The following NOX3 variants were observed in gnomAD, a reference collection of about 807,000 sequenced individuals.
NOX3 encodes NADPH oxidase 3, also known as NADPH oxidase catalytic subunit-like 3.
In NOX3, 74 loss-of-function variants were observed where a neutral mutation model predicts 76.7. The observed-to-expected ratio is 0.96, with a 90% CI of 0.80 to 1.17. The LOEUF is 1.17. Among genes scored for constraint, NOX3 ranks in the 50% most tolerant of loss-of-function variants. The pLI, the probability that NOX3 is intolerant of heterozygous loss-of-function variation, is 0.00. For missense variants in NOX3, 695 were observed against 703.3 expected (o/e 0.99, Z 0.13); for synonymous variants, 263 against 261.1 (o/e 1.01, Z -0.07).
intron 7 of NOX3, among the ~76,000 whole-genome samples, chr6:155,433,209 C>T (rs988753416): frequency 6.6e-6 from 1 of 152,306 alleles, no homozygotes; most frequent in Non-Finnish European, 1.5e-5. Context: ...ATCCCCGACT[C>T]CATCTCAATC....
chr6:155,438,492 GA>G, intron 6 of NOX3, among the ~76,000 whole-genome samples: 1 of 152,334 alleles, frequency 6.6e-6, no homozygotes, highest in Non-Finnish European at 1.5e-5. Context: ...CTTCCGTGGA[GA>G]ATGTGTTTCT....
chr6:155,436,253 A>C (rs1400412493), intron 7 of NOX3, among the ~76,000 whole-genome samples, 165 bp downstream of exon 7: 1 of 152,198 alleles, frequency 6.6e-6, no homozygotes, highest in Non-Finnish European at 1.5e-5. Flanking sequence ...TTGGCAGTAA[A>C]CCTCTTTAAA....
chr6:155,445,946 A>ATATATATATGCTATATATATAT (rs1491098024), intron 4 of NOX3, among the ~76,000 whole-genome samples: 1 of 138,354 alleles, frequency 7.2e-6, no homozygotes, highest in African/African-American at 2.8e-5. Flanking sequence ...TAGATATATA[A>ATATATATATGCTATATATATAT]TATATATATG....
chr6:155,453,622 G>T, intron 3 of NOX3, 134 bp from the exon 4 acceptor site: 1 of 692,624 alleles, frequency 1.4e-6, no homozygotes. Context: ...AAAAGTTAAT[G>T]GCCATTAGTC....
intron 12 of NOX3, among the ~76,000 whole-genome samples, chr6:155,401,111 A>G (rs1779220386): frequency 6.6e-6 from 1 of 152,180 alleles, no homozygotes; most frequent in Non-Finnish European, 1.5e-5. Context: ...CAAACTAATA[A>G]TTTGATAGAT....
chr6:155,436,577 A>G (rs1776907365), intron 6 of NOX3, 30 bp from the exon 7 acceptor site: 1 of 1,611,904 alleles, frequency 6.2e-7, no homozygotes, highest in Non-Finnish European at 8.5e-7. Flanking sequence ...AAAACAAAAC[A>G]AAAAGCAAAA....
In NOX3 at chr6:155,438,639, T is replaced by C. The variant is rs555770007; in HGVS notation, c.668+1317A>G. ...TGAGGAGGGAGATTGGAGGCGTTGT[T>C]GACTTGTGGAAGGGCAAATCCCAAA... On this transcript the variant is annotated intron_variant, in intron 6 of 13. Coordinates refer to ENST00000159060, the MANE Select transcript of NOX3 (RefSeq NM_015718.3). Among the ~76,000 whole-genome samples the C allele has an allele frequency of 5.9e-5, 9 of 152,290 alleles. No individual in the cohort carries two copies. In the South Asian group the frequency reaches 1.9e-3, roughly 32 times the overall value.
chr6:155,395,644 T>C (rs1034570827), intron 13 of NOX3, 70 bp from the exon 14 acceptor site: 2 of 152,174 alleles, frequency 1.3e-5, no homozygotes, highest in African/African-American at 4.8e-5. Flanking sequence ...AGTAGTAGTG[T>C]CTGGGGCTAA....
chr6:155,399,168 G>C lies in NOX3; in HGVS notation c.1581-2206C>G, dbSNP rs1048772513. Reference sequence around the variant, plus strand: ...GTGTCTGATGCCCAGAGGTGTCCTTGCATCTATTTTCAAAGATGCTGTTAT... The same window carrying C: ...GTGTCTGATGCCCAGAGGTGTCCTTCCATCTATTTTCAAAGATGCTGTTAT... On this transcript the variant is annotated intron_variant, in intron 12 of 13. Transcript: ENST00000159060. 2.0e-5 allele frequency among the ~76,000 whole-genome samples: 3 copies of C among 152,172 alleles called. No individual in the cohort carries two copies. The South Asian group carries it at 6.2e-4, about 32-fold the overall frequency.
intron 4 of NOX3, among the ~76,000 whole-genome samples, chr6:155,447,646 T>C (rs1017044550): frequency 6.6e-6 from 1 of 152,222 alleles, no homozygotes; most frequent in East Asian, 1.9e-4. Flanking sequence ...ACATGTTCCC[T>C]TGCTCTCGCT....
At chr6:155,445,884 ATG>A (rs1777053528) in intron 4 of NOX3, among the ~76,000 whole-genome samples, 1 of 105,958 alleles carries the variant, frequency 9.4e-6, no homozygotes, top group South Asian at 4.1e-4. Context: ...ATATATATAT[ATG>A]CTATATATAT....
chr6:155,434,450 G>A (rs1017662181), intron 7 of NOX3, among the ~76,000 whole-genome samples: 1 of 152,192 alleles, frequency 6.6e-6, no homozygotes, highest in Non-Finnish European at 1.5e-5. Context: ...GACAAGCTGC[G>A]AAGATGAACA....
intron 12 of NOX3, among the ~76,000 whole-genome samples, chr6:155,403,691 C>G (rs1007466147): frequency 1.3e-5 from 2 of 152,118 alleles, no homozygotes; most frequent in Non-Finnish European, 2.9e-5. Context: ...TACAGTTTTG[C>G]CACCTTAAAA....
chr6:155,444,756 C>G (rs1171898075), intron 4 of NOX3, among the ~76,000 whole-genome samples: 1 of 152,150 alleles, frequency 6.6e-6, no homozygotes, highest in Non-Finnish European at 1.5e-5. Context: ...GGAACATGTT[C>G]TGATGGATGG....
At chr6:155,449,038 C>T (rs886526624) in intron 4 of NOX3, among the ~76,000 whole-genome samples, 13 of 152,158 alleles carry the variant, frequency 8.5e-5, no homozygotes. Flanking sequence ...TGCAGCTTCC[C>T]TGAAGCTCCC....
intron 10 of NOX3, among the ~76,000 whole-genome samples, chr6:155,420,385 C>T (rs528616423): frequency 7.9e-5 from 12 of 152,224 alleles, no homozygotes; most frequent in Admixed American, 5.9e-4. Flanking sequence ...ACTTGGTAGG[C>T]AGCAAGAGGG....
intron 10 of NOX3, among the ~76,000 whole-genome samples, chr6:155,420,109 C>T (rs555595785): frequency 1.9e-4 from 29 of 152,066 alleles, no homozygotes; most frequent in Non-Finnish European, 2.5e-4. Context: ...GATTATTTCA[C>T]GAATCTTAAT....
At chr6:155,432,629 C>G (rs1397187924) in intron 7 of NOX3, among the ~76,000 whole-genome samples, 1 of 152,172 alleles carries the variant, frequency 6.6e-6, no homozygotes, top group East Asian at 1.9e-4. Context: ...CGCATGGTCC[C>G]TCTTCTCACC....
Position 155,396,962 on chromosome 6 carries a change from G to C in NOX3, c.1581C>G (p.Ser527Arg), listed in dbSNP as rs760677292. 1 of 1,605,154 alleles carries C rather than the reference G, an allele frequency of 6.2e-7. No homozygotes were observed. Among genetic ancestry groups the C allele is most frequent in the Admixed American group, 1.7e-5 (1 of 58,324 alleles). Residue 527 changes from serine to arginine, a missense_variant and splice_region_variant, in exon 13 of 14, where the codon AGC becomes AGG. Transcript: ENST00000159060. Reference sequence around the variant, plus strand: ...CACAGAAGAACACGCCAATACTGCTGCTGCAGTAGGGGTAAGAAAAGGAAA... The same window carrying C: ...CACAGAAGAACACGCCAATACTGCTCCTGCAGTAGGGGTAAGAAAAGGAAA... ...EFKQIAYNHPSSSIGVFFCGP... is the reference protein window; with the variant it reads ...EFKQIAYNHPRSSIGVFFCGP...
Sources: gnomAD v4.1 joint callset for allele counts (sites outside exome capture counted in the v4.1 genomes callset) on GRCh38, gnomAD v4.1.1 for gene constraint, MANE v1.5 for transcripts, NCBI Gene and HGNC (gene_info 2026-07-23, HGNC 2026-07-21) for gene names.